Variants in CRIM1 observed in about 807,000 individuals in gnomAD.
CRIM1 encodes cysteine rich transmembrane BMP regulator 1.
In CRIM1, 32 loss-of-function variants were observed where a neutral mutation model predicts 116.4. That is an observed-to-expected ratio of 0.27 (90% CI 0.21 to 0.37). The LOEUF (loss-of-function observed/expected upper bound fraction) is 0.37. Among genes scored for constraint, CRIM1 ranks in the 10% least tolerant of loss-of-function variants. The pLI, the probability that CRIM1 is intolerant of heterozygous loss-of-function variation, is 1.00. For missense variants in CRIM1, 1,331 were observed against 1,354.8 expected, an observed-to-expected ratio of 0.98 and a Z score of 0.28; for synonymous variants, 590 against 509.2, an observed-to-expected ratio of 1.16 and a Z score of -2.13.
At chr2:36,430,993 T>C (rs1376750118) in intron 2 of CRIM1, among the ~76,000 whole-genome samples, 1 of 152,210 alleles carries the variant, frequency 6.6e-6, no homozygotes, top group Non-Finnish European at 1.5e-5. Flanking sequence ...AGACGATTTA[T>C]AAAGAGAAAG....
At chr2:36,484,303 A>G (rs1679649907) in intron 7 of CRIM1, among the ~76,000 whole-genome samples, 1 of 151,720 alleles carries the variant, frequency 6.6e-6, no homozygotes, top group South Asian at 2.1e-4. Context: ...TTTTTTTTAC[A>G]TTGTCATTAG....
At position 36,537,437 on chromosome 2, in the gene CRIM1, C is replaced by G. The variant is rs887302976; in HGVS notation, c.2514C>G (p.Thr838=). ...DEERWDLDSC[T]HCYCLQGQTL... is the part of the protein sequence containing the mutation. ...AGCGGTGGGACCTTGACAGCTGCAC[C>G]CACTGCTACTGCCTGCAGGGCCAGA... The change falls in exon 14 of 17, where the codon ACC becomes ACG. Residue 838 remains threonine, a synonymous_variant. Transcript: ENST00000280527. The G allele has an allele frequency of 1.2e-6, 2 of 1,614,098 alleles. No homozygotes were observed. Among genetic ancestry groups the G allele is most frequent in the Non-Finnish European group, 1.7e-6 (2 of 1,180,046 alleles).
intron 14 of CRIM1, among the ~76,000 whole-genome samples, chr2:36,544,046 G>A (rs1202603388): frequency 1.3e-5 from 2 of 152,176 alleles, no homozygotes; most frequent in African/African-American, 2.4e-5. Context: ...ACATTTATTA[G>A]CTGCTGGAAA....
chr2:36,406,633 C>A (rs79945341), intron 2 of CRIM1, among the ~76,000 whole-genome samples: 61,600 of 118,168 alleles, frequency 0.52, 15,021 homozygotes, highest in East Asian at 0.84. Context: ...CCCCCCCCCC[C>A]AAAAAAAAAC....
At position 36,512,263 on chromosome 2, in the gene CRIM1, A is replaced by G. The variant is rs376433563; in HGVS notation, c.1659-10A>G. The G allele has an allele frequency of 1.2e-5, 19 of 1,609,114 alleles. No individual in the cohort carries two copies. Among genetic ancestry groups the G allele is most frequent in the African/African-American group, 2.7e-5 (2 of 74,876 alleles). Reference sequence around the variant, plus strand: ...ATTTTCTGACCTCTGACAAAATTTTAATTACCCAGGAAGAATAAGCACGGC... The same window carrying G: ...ATTTTCTGACCTCTGACAAAATTTTGATTACCCAGGAAGAATAAGCACGGC... On this transcript the variant is annotated splice_polypyrimidine_tract_variant and intron_variant, in intron 9 of 16. Transcript: ENST00000280527.
chr2:36,360,602 CAA>C (rs1352068878), intron 1 of CRIM1, among the ~76,000 whole-genome samples: 1 of 152,122 alleles, frequency 6.6e-6, no homozygotes, highest in Non-Finnish European at 1.5e-5. Flanking sequence ...ACTTGCCATG[CAA>C]AGTTTCTTTG....
intron 4 of CRIM1, 41 bp downstream of exon 4, chr2:36,442,776 T>G: frequency 3.1e-6 from 5 of 1,612,716 alleles, no homozygotes; most frequent in Middle Eastern, 1.7e-4. Context: ...TCCTCATTTG[T>G]TAGCATCATC....
intron 1 of CRIM1, among the ~76,000 whole-genome samples, chr2:36,358,117 C>T (rs1436756395): frequency 1.1e-5 from 1 of 90,760 alleles, no homozygotes; most frequent in Non-Finnish European, 2.5e-5. Flanking sequence ...TTGCTGCACA[C>T]GTAAGACATT....
intron 1 of CRIM1, among the ~76,000 whole-genome samples, chr2:36,366,847 A>G (rs987054208): frequency 1.3e-5 from 2 of 152,188 alleles, no homozygotes; most frequent in African/African-American, 4.8e-5. Flanking sequence ...AAATAAGGCA[A>G]AGCTACCTTG....
Position 36,534,558 on chromosome 2 carries a change from AC to A in CRIM1, c.2429-2793del, listed in dbSNP as rs1666386037. 9.1e-4 allele frequency among the ~76,000 whole-genome samples: 114 copies of A among 125,210 alleles called. 1 individual carries two copies. The highest frequency in any genetic ancestry group is 3.5e-3 in the African/African-American group (110 of 31,282). 82.1% of individuals were successfully genotyped at this position (125,210 alleles called of 152,430 possible). On this transcript the variant is annotated intron_variant, in intron 13 of 16. Coordinates refer to ENST00000280527, the MANE Select transcript of CRIM1 (RefSeq NM_016441.3). ...GAGGAAGGAAGGGAGAGAGGGAGGG[AC>A]AGGAAGGAAGGGAGGAAGGAAGGGA...
intron 1 of CRIM1, among the ~76,000 whole-genome samples, chr2:36,385,616 A>G (rs1203170019): frequency 1.3e-5 from 2 of 152,124 alleles, no homozygotes; most frequent in Non-Finnish European, 2.9e-5. Flanking sequence ...AGGCCGTATT[A>G]CTGGAGACGG....
rs1278911213 is a variant in CRIM1, at chr2:36,547,113, T to G, written c.2876T>G (p.Phe959Cys). ...ICLSIIIAFL[F>C]INQKKQWIPL... ...CTCTCTATTATAATAGCATTCCTAT[T>G]CATCAATCAGAAGAAACAGTGGATA... Residue 959 changes from phenylalanine to cysteine, a missense_variant, in exon 16 of 17, where the codon TTC becomes TGC. Phe to Cys is a radical substitution (Grantham distance 205, BLOSUM62 -2). Coordinates refer to ENST00000280527, the MANE Select transcript of CRIM1 (RefSeq NM_016441.3). 1 of 1,613,114 alleles carries G rather than the reference T, an allele frequency of 6.2e-7. No homozygotes were observed. Among genetic ancestry groups the G allele is most frequent in the Non-Finnish European group, 8.5e-7 (1 of 1,179,344 alleles).
intron 4 of CRIM1, among the ~76,000 whole-genome samples, chr2:36,446,865 G>A (rs144129621): frequency 3.3e-5 from 5 of 152,282 alleles, no homozygotes; most frequent in African/African-American, 4.8e-5. Context: ...AGGACACCTT[G>A]TGGTCCTTGA....
chr2:36,426,477 G>C (rs1427459571), intron 2 of CRIM1, among the ~76,000 whole-genome samples: 1 of 152,044 alleles, frequency 6.6e-6, no homozygotes, highest in South Asian at 2.1e-4. Context: ...AGAATATCTG[G>C]CTATAGGATT....
At chr2:36,472,515 A>C (rs952721378) in intron 5 of CRIM1, among the ~76,000 whole-genome samples, 1 of 152,076 alleles carries the variant, frequency 6.6e-6, no homozygotes, top group Non-Finnish European at 1.5e-5. Flanking sequence ...CCTAAGTGCC[A>C]CAGTTCTCTC....
intron 12 of CRIM1, among the ~76,000 whole-genome samples, chr2:36,520,483 A>G (rs560167320): frequency 1.3e-5 from 2 of 152,320 alleles, no homozygotes; most frequent in African/African-American, 4.8e-5. Context: ...TAACCACGAA[A>G]AGGTCATTGA....
chr2:36,408,663 G>A (rs2148409005), intron 2 of CRIM1, among the ~76,000 whole-genome samples: 1 of 152,326 alleles, frequency 6.6e-6, no homozygotes, highest in Non-Finnish European at 1.5e-5. Flanking sequence ...CAACCAGAGG[G>A]TTTGCATAAG....
At chr2:36,392,954 A>G (rs960794243) in intron 1 of CRIM1, among the ~76,000 whole-genome samples, 9 of 152,252 alleles carry the variant, frequency 5.9e-5, no homozygotes, top group Non-Finnish European at 1.2e-4. Context: ...GAGCATCTTC[A>G]GGTGAGTCTG....
At chr2:36,547,838 T>C (rs1167565097) in intron 16 of CRIM1, among the ~76,000 whole-genome samples, 1 of 152,198 alleles carries the variant, frequency 6.6e-6, no homozygotes, top group African/African-American at 2.4e-5. Flanking sequence ...AAATAAATCA[T>C]AATCCCTTCC....
Sources: gnomAD v4.1 joint callset for allele counts (sites outside exome capture counted in the v4.1 genomes callset) on GRCh38, gnomAD v4.1.1 for gene constraint, MANE v1.5 for transcripts, NCBI Gene and HGNC (gene_info 2026-07-23, HGNC 2026-07-21) for gene names.